The following KCNJ10 variants were observed in gnomAD, a reference collection of about 807,000 sequenced individuals.
The protein encoded by KCNJ10 is potassium inwardly rectifying channel subfamily J member 10.
KCNJ10 carries 9 observed loss-of-function variants against 22.2 expected under a neutral mutation model. The ratio of observed to expected loss-of-function variants is 0.40; its 90% confidence interval spans 0.24 to 0.71. The LOEUF (loss-of-function observed/expected upper bound fraction) is 0.71, where lower values mean the gene tolerates loss of function less well. Among genes scored for constraint, KCNJ10 ranks in the 30% least tolerant of loss-of-function variants. KCNJ10 has a pLI of 0.35. For synonymous variants in KCNJ10, 184 were observed against 187.3 expected, an observed-to-expected ratio of 0.98 and a Z score of 0.15; for missense variants, 337 against 482.7, an observed-to-expected ratio of 0.70 and a Z score of 2.83.
intron 1 of KCNJ10, among the ~76,000 whole-genome samples, chr1:160,068,217 A>T (rs1649368848): frequency 6.6e-6 from 1 of 152,068 alleles, no homozygotes; most frequent in Admixed American, 6.5e-5. Flanking sequence ...GGGATAGCAG[A>T]GGGGTTCTGC....
intron 1 of KCNJ10, among the ~76,000 whole-genome samples, chr1:160,047,972 C>T (rs1648787226): frequency 6.6e-6 from 1 of 152,242 alleles, no homozygotes; most frequent in Non-Finnish European, 1.5e-5. Flanking sequence ...AACTCCCGGA[C>T]TTAAGTGATC....
Position 160,042,067 on chromosome 1 carries a change from T to C in KCNJ10, c.466A>G (p.Ile156Val), listed in dbSNP as rs564442753. 13 of 1,553,244 alleles carry C rather than the reference T, an allele frequency of 8.4e-6. No homozygotes were observed. The highest frequency in any genetic ancestry group is 1.0e-5 in the Non-Finnish European group (12 of 1,149,408). Reference protein sequence around the residue: ...LLIAQLVLTTILEIFITGTFL... With the variant: ...LLIAQLVLTTVLEIFITGTFL... ...GTACCTGTGATGAAGATTTCCAGGA[T>C]GGTGGTGAGCACCAGCTGGGCAATA... Residue 156 changes from isoleucine (I) to valine (V), a missense_variant, in exon 2 of 2, where the codon ATC becomes GTC. Physicochemically the swap from Ile to Val is conservative, Grantham distance 29. Coordinates refer to ENST00000644903, the MANE Select transcript of KCNJ10 (RefSeq NM_002241.5).
chr1:160,045,618 A>T (rs1648726899), intron 1 of KCNJ10, among the ~76,000 whole-genome samples: 1 of 152,236 alleles, frequency 6.6e-6, no homozygotes, highest in African/African-American at 2.4e-5. Flanking sequence ...AAGCTCCTTC[A>T]GTTGAACTGA....
Position 160,039,266 on chromosome 1 carries a change from G to A in KCNJ10, c.*2127C>T, listed in dbSNP as rs932485495. 1 of 152,552 alleles carries A rather than the reference G, an allele frequency of 6.6e-6. No individual in the cohort carries two copies. Among genetic ancestry groups the A allele is most frequent in the African/African-American group, 2.4e-5 (1 of 41,418 alleles). 9.4% of individuals were successfully genotyped at this position (152,552 alleles called of 1,614,324 possible). A position where few individuals can be genotyped will look rare whatever the true frequency, so the allele number is the denominator to read the frequency against. ...TCACTGTTTCATCCAAGAGTCTAGA[G>A]GCTTGAGTCTGGGGGCTTAGAATAG... On this transcript the variant is annotated 3_prime_UTR_variant, in exon 2 of 2. Transcript: ENST00000644903.
chr1:160,069,995 A>T (rs2101938615), intron 1 of KCNJ10, 27 bp downstream of exon 1: 1 of 152,028 alleles, frequency 6.6e-6, no homozygotes, highest in East Asian at 1.9e-4. Context: ...GGGCGGCAGA[A>T]CTCCTTCATC....
At chr1:160,057,798 G>T (rs772228592) in intron 1 of KCNJ10, among the ~76,000 whole-genome samples, 1 of 152,152 alleles carries the variant, frequency 6.6e-6, no homozygotes, top group Admixed American at 6.5e-5. Flanking sequence ...AGAGAAGGGC[G>T]GGGGAGGCTG....
intron 1 of KCNJ10, among the ~76,000 whole-genome samples, chr1:160,062,278 G>C (rs1649219919): frequency 6.6e-6 from 1 of 152,176 alleles, no homozygotes; most frequent in Admixed American, 6.5e-5. Flanking sequence ...GGTGGGGAAG[G>C]CTCTGAAAGC....
intron 1 of KCNJ10, among the ~76,000 whole-genome samples, chr1:160,047,149 A>G (rs1648760761): frequency 6.6e-6 from 1 of 152,134 alleles, no homozygotes; most frequent in Admixed American, 6.5e-5. Flanking sequence ...CTTGAGAGTC[A>G]TTTGTTCTAC....
intron 1 of KCNJ10, among the ~76,000 whole-genome samples, chr1:160,056,185 T>C (rs1241635407): frequency 6.6e-6 from 1 of 152,168 alleles, no homozygotes; most frequent in Non-Finnish European, 1.5e-5. Flanking sequence ...GGTCTCCTGG[T>C]TCTCTTGCAC....
intron 1 of KCNJ10, among the ~76,000 whole-genome samples, chr1:160,042,778 AAT>A (rs1317441787): frequency 2.6e-5 from 4 of 152,076 alleles, no homozygotes; most frequent in African/African-American, 9.7e-5. Context: ...CTCTACTAAA[AAT>A]ACAAAAATTA....
intron 1 of KCNJ10, among the ~76,000 whole-genome samples, chr1:160,044,536 G>A (rs932257473): frequency 3.3e-5 from 5 of 152,156 alleles, no homozygotes; most frequent in Admixed American, 2.0e-4. Flanking sequence ...AGAGATGAAT[G>A]AACATAGTTT....
At chr1:160,043,315 A>ACACACACACAC (rs75470525) in intron 1 of KCNJ10, among the ~76,000 whole-genome samples, 12 of 131,086 alleles carry the variant, frequency 9.2e-5, no homozygotes, top group African/African-American at 1.3e-4. Flanking sequence ...ACACACACAC[A>ACACACACACAC]ACCTTAATTT....
At chr1:160,051,690 G>A (rs1368625387) in intron 1 of KCNJ10, among the ~76,000 whole-genome samples, 1 of 151,816 alleles carries the variant, frequency 6.6e-6, no homozygotes, top group African/African-American at 2.4e-5. Flanking sequence ...AGGGTTGGAG[G>A]CGACGCCCTT....
chr1:160,044,056 G>A (rs1648681456), intron 1 of KCNJ10, among the ~76,000 whole-genome samples: 1 of 152,108 alleles, frequency 6.6e-6, no homozygotes, highest in Admixed American at 6.5e-5. Context: ...TTTCCCCATG[G>A]CCTTGTCCCT....
rs1648869907 is a variant in KCNJ10 at position 160,050,298 on chromosome 1, T to TG, written c.1-7767_1-7766insC. Among the ~76,000 whole-genome samples the TG allele has an allele frequency of 6.0e-5, 3 of 49,630 alleles. No individual in the cohort carries two copies. The South Asian group carries it at 4.7e-3, about 78-fold the overall frequency. The allele number at this position is 49,630 out of a possible 152,430, so 32.6% of individuals were successfully genotyped here. ...ACAGGTGCACACCACCACACCCAGC[T>TG]AATTTTTTTTTTTTTGTAGAGATGG... On this transcript the variant is annotated intron_variant, in intron 1 of 1. Transcript: ENST00000644903.
rs946104495 is a variant in KCNJ10 at position 160,039,655 on chromosome 1, A to C, written c.*1738T>G. On this transcript the variant is annotated 3_prime_UTR_variant, in exon 2 of 2. Transcript: ENST00000644903. ...GTTAGTTGAGTTCGAGGAGAGATCAATATAACAAGACCTTGTGCAATTATA... is the reference window on the plus strand; with the variant it reads ...GTTAGTTGAGTTCGAGGAGAGATCACTATAACAAGACCTTGTGCAATTATA... 10 of 152,240 alleles carry C rather than the reference A, an allele frequency of 6.6e-5. No individual in the cohort carries two copies. Among genetic ancestry groups the C allele is most frequent in the African/African-American group, 2.4e-4 (10 of 41,454 alleles). 9.4% of individuals were successfully genotyped at this position (152,240 alleles called of 1,614,324 possible).
In KCNJ10 at chr1:160,039,243, A is replaced by G. The variant is rs1648547279; in HGVS notation, c.*2150T>C. ...GTAAGTCAGAAAATGTTTTCTTCTCACTGTTTCATCCAAGAGTCTAGAGGC... is the reference window on the plus strand; with the variant it reads ...GTAAGTCAGAAAATGTTTTCTTCTCGCTGTTTCATCCAAGAGTCTAGAGGC... On this transcript the variant is annotated 3_prime_UTR_variant, in exon 2 of 2. Transcript: ENST00000644903. 6.6e-6 allele frequency: 1 copy of G among 152,614 alleles called. No homozygotes were observed. Among genetic ancestry groups the G allele is most frequent in the African/African-American group, 2.4e-5 (1 of 41,426 alleles). 9.5% of individuals were successfully genotyped at this position (152,614 alleles called of 1,614,324 possible).
chr1:160,061,336 C>T (rs1043265359), intron 1 of KCNJ10, among the ~76,000 whole-genome samples: 1 of 152,190 alleles, frequency 6.6e-6, no homozygotes, highest in Non-Finnish European at 1.5e-5. Flanking sequence ...TTCCATCTAC[C>T]TCCCAGGGCC....
chr1:160,057,302 C>T (rs946854245), intron 1 of KCNJ10, among the ~76,000 whole-genome samples: 25 of 152,228 alleles, frequency 1.6e-4, no homozygotes, highest in Admixed American at 1.5e-3. Context: ...CCCCATGTCT[C>T]CAAATCCTGT....
Sources: gnomAD v4.1 joint callset for allele counts (sites outside exome capture counted in the v4.1 genomes callset) on GRCh38, gnomAD v4.1.1 for gene constraint, MANE v1.5 for transcripts, NCBI Gene and HGNC (gene_info 2026-07-23, HGNC 2026-07-21) for gene names.